The following EPB41L5 variants were observed in gnomAD, a reference collection of about 807,000 sequenced individuals.
The protein encoded by EPB41L5 is erythrocyte membrane protein band 4.1 like 5.
A neutral mutation model predicts 106.6 loss-of-function variants in EPB41L5; 55 were observed. That is an observed-to-expected ratio of 0.52 (90% CI 0.42 to 0.65). The LOEUF is 0.65. EPB41L5 is among the 30% of genes least tolerant of loss of function. The probability of loss-of-function intolerance (pLI) is 0.00; values close to 1 mark genes in which losing one functional copy is unlikely to be tolerated. For synonymous variants in EPB41L5, 297 were observed against 306.7 expected (o/e 0.97, Z 0.33); for missense variants, 871 against 882.1 (o/e 0.99, Z 0.16).
At chr2:120,078,638 A>G in intron 10 of EPB41L5, 57 bp downstream of exon 10, 1 of 1,125,108 alleles carries the variant, frequency 8.9e-7, no homozygotes, top group Non-Finnish European at 1.3e-6. Flanking sequence ...TAATGAGTAA[A>G]TAAAGTTAAT....
At chr2:120,094,890 T>C (rs996046668) in intron 14 of EPB41L5, among the ~76,000 whole-genome samples, 4 of 152,226 alleles carry the variant, frequency 2.6e-5, no homozygotes, top group East Asian at 1.9e-4. Flanking sequence ...TTTTATTCCA[T>C]AATGGGTAGA....
At chr2:120,033,581 C>T (rs1352164888) in intron 2 of EPB41L5, among the ~76,000 whole-genome samples, 1 of 151,816 alleles carries the variant, frequency 6.6e-6, no homozygotes, top group Non-Finnish European at 1.5e-5. Context: ...GTAGCAGGCA[C>T]CTGTAATCCC....
intron 16 of EPB41L5, among the ~76,000 whole-genome samples, chr2:120,111,607 C>G (rs1477217022): frequency 6.6e-6 from 1 of 152,092 alleles, no homozygotes; most frequent in African/African-American, 2.4e-5. Context: ...TCTGTCAGTT[C>G]TGTCTTCAAA....
At chr2:120,125,963 T>C (rs1035473571) in intron 16 of EPB41L5, among the ~76,000 whole-genome samples, 6 of 152,112 alleles carry the variant, frequency 3.9e-5, no homozygotes, top group Non-Finnish European at 5.9e-5. Context: ...CTTTGGTGTT[T>C]CTTGGTTTGT....
At chr2:120,145,326 G>A (rs570301402) in intron 19 of EPB41L5, among the ~76,000 whole-genome samples, 2 of 152,252 alleles carry the variant, frequency 1.3e-5, no homozygotes, top group South Asian at 4.1e-4. Context: ...AGATGATTGT[G>A]ATGTATCTAT....
In EPB41L5 at chr2:120,175,402, G is replaced by T. The variant is rs1484687623; in HGVS notation, c.*495G>T. ...GGAAATTAATGTGGACACTATAAAG[G>T]CAGACTTAGGGCCAACTTTTTTTTT... On this transcript the variant is annotated 3_prime_UTR_variant, in exon 25 of 25. Transcript: ENST00000263713. 1 of 153,722 alleles carries T rather than the reference G, an allele frequency of 6.5e-6. No homozygotes were observed. Among genetic ancestry groups the T allele is most frequent in the East Asian group, 1.9e-4 (1 of 5,278 alleles). 9.5% of individuals were successfully genotyped at this position (153,722 alleles called of 1,614,324 possible). A position where few individuals can be genotyped will look rare whatever the true frequency, so the allele number is the denominator to read the frequency against.
intron 16 of EPB41L5, chr2:120,104,399 A>G: frequency 7.2e-7 from 1 of 1,390,904 alleles, no homozygotes; most frequent in South Asian, 1.8e-5. Flanking sequence ...CTTCCATGAA[A>G]GGGACAAGGA....
chr2:120,069,528 T>A (rs1681711646), intron 3 of EPB41L5, among the ~76,000 whole-genome samples: 1 of 152,088 alleles, frequency 6.6e-6, no homozygotes, highest in Non-Finnish European at 1.5e-5. Flanking sequence ...ATTCTTCTCA[T>A]CACTACATCA....
chr2:120,084,736 A>G (rs960702637), intron 10 of EPB41L5, among the ~76,000 whole-genome samples: 3 of 151,930 alleles, frequency 2.0e-5, no homozygotes, highest in Admixed American at 6.6e-5. Flanking sequence ...ACTTGGTTCC[A>G]TTCTCCCCTT....
rs190104714 is a variant in EPB41L5 at position 120,117,713 on chromosome 2, G to A, written c.1338-9975G>A. On this transcript the variant is annotated intron_variant, in intron 16 of 24. Coordinates refer to ENST00000263713, the MANE Select transcript of EPB41L5 (RefSeq NM_020909.4). ...GTGTTTTGAGTTTGGACACAGACCC[G>A]TGAAACCAACACCATAATCAAGATT... 2.1e-4 allele frequency among the ~76,000 whole-genome samples: 32 copies of A among 152,222 alleles called. No individual in the cohort carries two copies. In the South Asian group the frequency reaches 4.1e-3, roughly 20 times the overall value.
chr2:120,047,344 T>A (rs1252878023), intron 3 of EPB41L5, among the ~76,000 whole-genome samples: 1 of 152,148 alleles, frequency 6.6e-6, no homozygotes, highest in Non-Finnish European at 1.5e-5. Flanking sequence ...TGTTGAGCAG[T>A]GGTTTGTAGT....
intron 20 of EPB41L5, among the ~76,000 whole-genome samples, chr2:120,150,358 A>G (rs567715238): frequency 5.3e-5 from 8 of 151,710 alleles, no homozygotes; most frequent in African/African-American, 1.9e-4. Context: ...TTATTGCTCA[A>G]TCACCCAGGC....
intron 2 of EPB41L5, among the ~76,000 whole-genome samples, chr2:120,031,817 G>A (rs560840323): frequency 2.9e-4 from 44 of 152,144 alleles, no homozygotes; most frequent in Non-Finnish European, 5.4e-4. Flanking sequence ...CTGATATACT[G>A]ATTCTTGAGA....
Position 120,142,985 on chromosome 2 carries a change from T to C in EPB41L5, c.1600-18T>C, listed in dbSNP as rs1465601220. On this transcript the variant is annotated intron_variant, in intron 18 of 24. Coordinates refer to ENST00000263713, the MANE Select transcript of EPB41L5 (RefSeq NM_020909.4). Reference sequence around the variant, plus strand: ...TAGTGCATCAGAGTTGATTATAGTATATTTTTAAAATATCTAGGAGGAAGT... The same window carrying C: ...TAGTGCATCAGAGTTGATTATAGTACATTTTTAAAATATCTAGGAGGAAGT... 6.2e-7 allele frequency: 1 copy of C among 1,604,882 alleles called. No homozygotes were observed. The highest frequency in any genetic ancestry group is 8.5e-7 in the Non-Finnish European group (1 of 1,172,562).
intron 24 of EPB41L5, among the ~76,000 whole-genome samples, chr2:120,170,528 C>T (rs1687629761): frequency 6.6e-6 from 1 of 152,254 alleles, no homozygotes; most frequent in Non-Finnish European, 1.5e-5. Context: ...TCAGTCCTTA[C>T]CATGTGGGCC....
chr2:120,145,371 G>A lies in EPB41L5; in HGVS notation c.1729-854G>A, dbSNP rs73952050. Among the ~76,000 whole-genome samples, 1,164 of 152,286 alleles carry A rather than the reference G, an allele frequency of 7.6e-3. 12 individuals carry two copies. Among genetic ancestry groups the A allele is most frequent in the African/African-American group, 0.027 (1,105 of 41,556 alleles). On this transcript the variant is annotated intron_variant, in intron 19 of 24. Transcript: ENST00000263713. ...TGTCTGAATAAAAAGGAATAAATTAGTGATTTGTACAACAACATGAGTGAA... is the reference window on the plus strand; with the variant it reads ...TGTCTGAATAAAAAGGAATAAATTAATGATTTGTACAACAACATGAGTGAA...
chr2:120,131,734 T>C lies in EPB41L5; in HGVS notation c.1599+19T>C. On this transcript the variant is annotated intron_variant, in intron 18 of 24. Coordinates refer to ENST00000263713, the MANE Select transcript of EPB41L5 (RefSeq NM_020909.4). Reference sequence around the variant, plus strand: ...CAGCCAGGTATTCAGATTTCCCCTGTGTATACCTGTTACACATCTCCAGAG... The same window carrying C: ...CAGCCAGGTATTCAGATTTCCCCTGCGTATACCTGTTACACATCTCCAGAG... The C allele has an allele frequency of 6.5e-7, 1 of 1,546,772 alleles. No individual in the cohort carries two copies. Among genetic ancestry groups the C allele is most frequent in the Non-Finnish European group, 8.9e-7 (1 of 1,119,648 alleles).
At position 120,175,057 on chromosome 2, in the gene EPB41L5, TATTTTCCGTCCAACTGGAATTGTTGA is replaced by T; in HGVS notation, c.*153_*178del. On this transcript the variant is annotated 3_prime_UTR_variant, in exon 25 of 25. Coordinates refer to ENST00000263713, the MANE Select transcript of EPB41L5 (RefSeq NM_020909.4). ...TTCAACTCCGTAAAAAAGACAGCTG[TATTTTCCGTCCAACTGGAATTGTTGA>T]ATCACACTGCATAGCTGCCCAAAAG... 1 of 733,678 alleles carries T rather than the reference TATTTTCCGTCCAACTGGAATTGTTGA, an allele frequency of 1.4e-6. No individual in the cohort carries two copies. 45.4% of individuals were successfully genotyped at this position (733,678 alleles called of 1,614,324 possible). A position where few individuals can be genotyped will look rare whatever the true frequency, so the allele number is the denominator to read the frequency against.
intron 12 of EPB41L5, 104 bp downstream of exon 12, chr2:120,090,620 A>G (rs1683345341): frequency 9.9e-7 from 1 of 1,011,208 alleles, no homozygotes; most frequent in African/African-American, 1.6e-5. Flanking sequence ...GTATAGAGGA[A>G]TAAGGTGGTT....
Sources: gnomAD v4.1 joint callset for allele counts (sites outside exome capture counted in the v4.1 genomes callset) on GRCh38, gnomAD v4.1.1 for gene constraint, MANE v1.5 for transcripts, NCBI Gene and HGNC (gene_info 2026-07-23, HGNC 2026-07-21) for gene names.